GLIS3: variants seen among roughly 807,000 people sequenced by gnomAD.
GLIS3 encodes zinc finger protein GLIS3.
Under a neutral mutation model 78.6 loss-of-function variants are expected in GLIS3, and 53 were observed. The observed-to-expected ratio is 0.67, with a 90% CI of 0.54 to 0.85. The LOEUF is 0.85. Among genes scored for constraint, GLIS3 ranks in the 40% least tolerant of loss-of-function variants. The probability of loss-of-function intolerance (pLI) is 0.00; values close to 1 mark genes in which losing one functional copy is unlikely to be tolerated. For synonymous variants in GLIS3, 684 were observed against 509.9 expected, an observed-to-expected ratio of 1.34 and a Z score of -4.60; for missense variants, 1,703 against 1,231.1, an observed-to-expected ratio of 1.38 and a Z score of -5.74.
intron 4 of GLIS3, among the ~76,000 whole-genome samples, chr9:4,059,365 T>C (rs1411433636): frequency 2.6e-5 from 4 of 152,358 alleles, no homozygotes; most frequent in Non-Finnish European, 5.9e-5. Flanking sequence ...TGGAGATCTC[T>C]GCACTGCTGC....
chr9:4,182,686 A>T (rs1817438874), intron 2 of GLIS3, among the ~76,000 whole-genome samples: 1 of 152,214 alleles, frequency 6.6e-6, no homozygotes, highest in South Asian at 2.1e-4. Flanking sequence ...CTCCCAATAA[A>T]GGAATAAAAC....
chr9:4,457,139 G>C, the GLIS3 span, among the ~76,000 whole-genome samples: 2 of 152,090 alleles, frequency 1.3e-5, no homozygotes, highest in African/African-American at 4.8e-5. Context: ...GAGGTGGGAG[G>C]ATTGCTTGAG....
chr9:4,459,915 T>C, the GLIS3 span, among the ~76,000 whole-genome samples: 1 of 152,178 alleles, frequency 6.6e-6, no homozygotes, highest in South Asian at 2.1e-4. Context: ...TGGGAACTGA[T>C]CCCTAGATAT....
intron 4 of GLIS3, among the ~76,000 whole-genome samples, chr9:3,957,637 T>G (rs1308722381): frequency 2.0e-5 from 3 of 152,196 alleles, no homozygotes; most frequent in African/African-American, 7.2e-5. Context: ...AAAACCTTGT[T>G]ATTAGGCACA....
At chr9:4,274,023 G>A (rs975805615) in intron 2 of GLIS3, among the ~76,000 whole-genome samples, 1 of 152,156 alleles carries the variant, frequency 6.6e-6, no homozygotes, top group East Asian at 1.9e-4. Context: ...AGGACATGTG[G>A]CCGAGTCTGC....
the GLIS3 span, among the ~76,000 whole-genome samples, chr9:4,392,139 AC>A: frequency 6.6e-6 from 1 of 152,012 alleles, no homozygotes; most frequent in East Asian, 1.9e-4. Context: ...CAGCAAACTA[AC>A]ACAGGAACAG....
intron 4 of GLIS3, among the ~76,000 whole-genome samples, chr9:4,042,221 C>G (rs1440495965): frequency 6.6e-6 from 1 of 152,182 alleles, no homozygotes; most frequent in African/African-American, 2.4e-5. Context: ...AAATTTCACT[C>G]TGACACCCTA....
Position 4,054,555 on chromosome 9 carries a change from C to G in GLIS3, c.1710+63213G>C, listed in dbSNP as rs574365281. ...AAACACAGATCTGATCAGTGCGGAG[C>G]AGGTCACAAGTCACACCAGTCACAA... On this transcript the variant is annotated intron_variant, in intron 4 of 10. Coordinates refer to ENST00000381971, the MANE Select transcript of GLIS3 (RefSeq NM_001042413.2). The G allele has an allele frequency of 9.9e-5, 92 of 932,866 alleles. 2 individuals carry two copies. In the South Asian group the frequency reaches 4.3e-3, roughly 44 times the overall value. The allele number at this position is 932,866 out of a possible 1,614,324, so 57.8% of individuals were successfully genotyped here. A position where few individuals can be genotyped will look rare whatever the true frequency, so the allele number is the denominator to read the frequency against.
intron 4 of GLIS3, among the ~76,000 whole-genome samples, chr9:4,002,352 G>A (rs1426250047): frequency 2.0e-5 from 3 of 152,162 alleles, no homozygotes; most frequent in African/African-American, 7.2e-5. Flanking sequence ...CTGATCTCCA[G>A]ATATGTTAAG....
rs1037643067 is a variant in GLIS3, at chr9:4,160,434, G to A, written c.389-34493C>T. 5.9e-5 allele frequency among the ~76,000 whole-genome samples: 9 copies of A among 152,346 alleles called. No individual in the cohort carries two copies. In the East Asian group the frequency reaches 1.7e-3, roughly 29 times the overall value. On this transcript the variant is annotated intron_variant, in intron 2 of 10. Transcript: ENST00000381971. ...TGATGCCAGGAAAATGCCTTATTTT[G>A]TCAGAAAGTACATCTCCCGCACAGC...
At chr9:4,432,944 A>G in the GLIS3 span, among the ~76,000 whole-genome samples, 682 of 152,214 alleles carry the variant, frequency 4.5e-3, 4 homozygotes, top group Middle Eastern at 0.02. Context: ...TACCACACCC[A>G]GCAACACAGA....
At chr9:4,244,597 G>A (rs982144601) in intron 2 of GLIS3, among the ~76,000 whole-genome samples, 2 of 151,622 alleles carry the variant, frequency 1.3e-5, no homozygotes, top group East Asian at 1.9e-4. Context: ...TTTTTGAGAC[G>A]GAGTTTTGCT....
chr9:4,174,125 G>A (rs1047127371), intron 2 of GLIS3, among the ~76,000 whole-genome samples: 1 of 152,098 alleles, frequency 6.6e-6, no homozygotes, highest in South Asian at 2.1e-4. Context: ...CTCACTCTAG[G>A]AGAAAAAGCA....
chr9:4,393,947 A>T, the GLIS3 span, among the ~76,000 whole-genome samples: 1 of 152,234 alleles, frequency 6.6e-6, no homozygotes, highest in Non-Finnish European at 1.5e-5. Flanking sequence ...CTGAGTGTGA[A>T]TTTATTACCC....
intron 2 of GLIS3, among the ~76,000 whole-genome samples, chr9:4,137,825 A>G (rs1833511102): frequency 6.6e-6 from 1 of 152,236 alleles, no homozygotes; most frequent in Non-Finnish European, 1.5e-5. Flanking sequence ...AGAGTGTTAA[A>G]TAAAGTTCAC....
chr9:4,074,828 G>A (rs1827911552), intron 4 of GLIS3, among the ~76,000 whole-genome samples: 1 of 152,134 alleles, frequency 6.6e-6, no homozygotes, highest in Non-Finnish European at 1.5e-5. Context: ...CCTCCATTTG[G>A]TCATTAGGCA....
chr9:4,401,094 G>A, the GLIS3 span, among the ~76,000 whole-genome samples: 1 of 152,180 alleles, frequency 6.6e-6, no homozygotes, highest in East Asian at 1.9e-4. Flanking sequence ...AGTAGGACGA[G>A]CAACAAGCAG....
the GLIS3 span, among the ~76,000 whole-genome samples, chr9:4,484,227 C>CTTTTTTTTTTTTTTTTTTTT: frequency 1.4e-5 from 2 of 145,406 alleles, no homozygotes; most frequent in African/African-American, 5.2e-5. Context: ...GCCAAACTAA[C>CTTTTTTTTTTTTTTTTTTTT]TTTTTTTTTT....
chr9:4,475,258 TA>T, the GLIS3 span, among the ~76,000 whole-genome samples: 1 of 152,188 alleles, frequency 6.6e-6, no homozygotes, highest in Non-Finnish European at 1.5e-5. Context: ...GAGGAAAGAA[TA>T]AGATGGACAA....
Sources: allele counts gnomAD v4.1 joint callset (sites outside exome capture counted in the v4.1 genomes callset), GRCh38; gene constraint gnomAD v4.1.1; transcripts MANE v1.5; gene names NCBI Gene and HGNC (gene_info 2026-07-23, HGNC 2026-07-21).